P2RX7: variants seen among roughly 807,000 people sequenced by gnomAD.
The protein encoded by P2RX7 is purinergic receptor P2X 7, also known as P2X purinoceptor 7.
A neutral mutation model predicts 71.6 loss-of-function variants in P2RX7; 62 were observed. That is an observed-to-expected ratio of 0.87 (90% CI 0.71 to 1.07). The LOEUF is 1.07. Among genes scored for constraint, P2RX7 ranks in the 50% least tolerant of loss-of-function variants. The pLI is 0.00. For missense variants in P2RX7, 686 were observed against 748.5 expected (o/e 0.92, Z 0.97); for synonymous variants, 299 against 283.3 (o/e 1.06, Z -0.56).
intron 4 of P2RX7, 119 bp from the exon 5 acceptor site, chr12:121,162,305 G>C: frequency 6.8e-6 from 10 of 1,471,246 alleles, no homozygotes; most frequent in Non-Finnish European, 8.1e-6. Flanking sequence ...TGCGTGGGTT[G>C]GAAAGCCTGG....
intron 1 of P2RX7, among the ~76,000 whole-genome samples, chr12:121,150,329 A>G (rs1187087598): frequency 6.6e-6 from 1 of 152,234 alleles, no homozygotes; most frequent in African/African-American, 2.4e-5. Flanking sequence ...AGGCTGATCG[A>G]TCATATGTTG....
chr12:121,149,341 G>A lies in P2RX7; in HGVS notation c.126-5444G>A, dbSNP rs944088950. Among the ~76,000 whole-genome samples the A allele has an allele frequency of 3.3e-5, 5 of 152,068 alleles. No homozygotes were observed. The highest frequency in any genetic ancestry group is 6.6e-5 in the Admixed American group (1 of 15,248). Reference sequence around the variant, plus strand: ...GATGGCTGTATTAGTCTGTTCTCACGCTGCTAATAAAGACATACCCAAGAC... The same window carrying A: ...GATGGCTGTATTAGTCTGTTCTCACACTGCTAATAAAGACATACCCAAGAC... On this transcript the variant is annotated intron_variant, in intron 1 of 12. Coordinates refer to ENST00000328963, the MANE Select transcript of P2RX7 (RefSeq NM_002562.6). This position sits in a 1 kb window ranked among gnomAD's most constrained non-coding sequence, Gnocchi z 4.7.
Position 121,177,206 on chromosome 12 carries a change from C to A in P2RX7, c.1032C>A (p.Phe344Leu). ...VVYIGSTLSYFGLAAVFIDFL... is the reference protein window; with the variant it reads ...VVYIGSTLSYLGLAAVFIDFL... ...ACATCGGCTCAACCCTCTCCTACTT[C>A]GGTCTGGTAAGAGATTCTCTTTTCC... The change falls in exon 10 of 13, where the codon TTC (phenylalanine) becomes TTA (leucine). Residue 344 changes from phenylalanine to leucine, a missense_variant. Coordinates refer to ENST00000328963, the MANE Select transcript of P2RX7 (RefSeq NM_002562.6). 1 of 1,614,148 alleles carries A rather than the reference C, an allele frequency of 6.2e-7. No individual in the cohort carries two copies. The highest frequency in any genetic ancestry group is 1.7e-5 in the Admixed American group (1 of 60,028).
intron 2 of P2RX7, 103 bp from the exon 3 acceptor site, chr12:121,155,976 A>C: frequency 2.0e-6 from 2 of 1,017,664 alleles, no homozygotes; most frequent in Non-Finnish European, 3.0e-6. Flanking sequence ...GATTTCTAGA[A>C]GCTTAGAAAA....
At chr12:121,168,983 G>A (rs1361526777) in intron 8 of P2RX7, among the ~76,000 whole-genome samples, 1 of 148,912 alleles carries the variant, frequency 6.7e-6, no homozygotes, top group East Asian at 2.0e-4. Context: ...TTTTTTTTCT[G>A]AGACAGAGTC....
At chr12:121,181,490 C>G (rs536745775) in intron 12 of P2RX7, among the ~76,000 whole-genome samples, 1 of 152,286 alleles carries the variant, frequency 6.6e-6, no homozygotes, top group East Asian at 1.9e-4. Context: ...CATTTGCACT[C>G]TCCCCAGCAG....
At position 121,180,474 on chromosome 12, in the gene P2RX7, T is replaced by TG; in HGVS notation, c.1290+19_1290+20insG. The TG allele has an allele frequency of 7.4e-7, 1 of 1,356,246 alleles. No homozygotes were observed. Among genetic ancestry groups the TG allele is most frequent in the Non-Finnish European group, 1.0e-6 (1 of 980,110 alleles). The allele number at this position is 1,356,246 out of a possible 1,614,324, so 84.0% of individuals were successfully genotyped here. A position where few individuals can be genotyped will look rare whatever the true frequency, so the allele number is the denominator to read the frequency against. ...AGTCCCAGTAAGTTAAATCATTTTG[T>TG]CTTTTTTTTTTTTTTAAGAAAATTT... On this transcript the variant is annotated intron_variant, in intron 12 of 12. Coordinates refer to ENST00000328963, the MANE Select transcript of P2RX7 (RefSeq NM_002562.6).
chr12:121,174,960 G>A (rs1377142831), intron 8 of P2RX7, among the ~76,000 whole-genome samples: 1 of 151,934 alleles, frequency 6.6e-6, no homozygotes. Flanking sequence ...ACAGAGCCAG[G>A]GGACAGACCA....
intron 1 of P2RX7, among the ~76,000 whole-genome samples, chr12:121,133,353 G>A (rs1872835213): frequency 6.6e-6 from 1 of 152,242 alleles, no homozygotes. Context: ...GCAGGGCAGG[G>A]CGTGCCTGGG....
At chr12:121,161,755 G>A (rs1274067950) in intron 4 of P2RX7, among the ~76,000 whole-genome samples, 1 of 145,148 alleles carries the variant, frequency 6.9e-6, no homozygotes, top group Non-Finnish European at 1.5e-5. Context: ...TCATGCCACT[G>A]CACTCCAGCA....
At chr12:121,182,081 T>G in intron 12 of P2RX7, among the ~76,000 whole-genome samples, 1 of 138,336 alleles carries the variant, frequency 7.2e-6, no homozygotes, top group African/African-American at 2.8e-5. Flanking sequence ...AAAAAAAAAG[T>G]CTTTTCTGCT....
rs201278879 is a variant in P2RX7 at position 121,184,850 on chromosome 12, C to T, written c.*48C>T. On this transcript the variant is annotated 3_prime_UTR_variant, in exon 13 of 13. Transcript: ENST00000328963. ...CTGTAATCCCAGCGCTTTGGGAGGC[C>T]GAGGCAGGCAGATCACCTGAGGTCG... The T allele has an allele frequency of 5.3e-5, 76 of 1,424,366 alleles. No homozygotes were observed. The highest frequency in any genetic ancestry group is 1.7e-4 in the African/African-American group (12 of 70,060). The allele number at this position is 1,424,366 out of a possible 1,614,324, so 88.2% of individuals were successfully genotyped here.
intron 5 of P2RX7, among the ~76,000 whole-genome samples, chr12:121,163,358 G>GCACGCA (rs1555226393): frequency 1.0e-5 from 1 of 100,430 alleles, no homozygotes; most frequent in African/African-American, 2.9e-5. Context: ...ACACACACAC[G>GCACGCA]CACACACACA....
At chr12:121,176,146 T>C (rs1298312634) in intron 9 of P2RX7, among the ~76,000 whole-genome samples, 2 of 151,880 alleles carry the variant, frequency 1.3e-5, no homozygotes, top group African/African-American at 2.4e-5. Context: ...ACCAGGGTCA[T>C]GCCATACTCC....
At chr12:121,163,817 G>C (rs909747510) in intron 5 of P2RX7, among the ~76,000 whole-genome samples, 1 of 152,064 alleles carries the variant, frequency 6.6e-6, no homozygotes, top group African/African-American at 2.4e-5. Flanking sequence ...TACCATATTG[G>C]ACAGCGCAGT....
intron 1 of P2RX7, among the ~76,000 whole-genome samples, chr12:121,146,707 G>T (rs1227728136): frequency 1.3e-5 from 2 of 152,210 alleles, no homozygotes; most frequent in Admixed American, 1.3e-4. Context: ...ACACCCAGAA[G>T]TTGTCCTATG....
chr12:121,175,474 G>T lies in P2RX7; in HGVS notation c.968G>T (p.Gly323Val). The part of the protein sequence containing the change: ...FGIRFDILVF[G>V]TGGKFDIIQL... The stretch of plus-strand genomic sequence containing the variant: ...ATCCGTTTTGACATCCTGGTTTTTG[G>T]CACCGTAAGTCTCGTTTCCCAGCTC... Residue 323 changes from glycine to valine, a missense_variant, in exon 9 of 13, where the codon GGC (glycine) becomes GTC (valine). Coordinates refer to ENST00000328963, the MANE Select transcript of P2RX7 (RefSeq NM_002562.6). 7.4e-7 allele frequency: 1 copy of T among 1,348,564 alleles called. No individual in the cohort carries two copies. Among genetic ancestry groups the T allele is most frequent in the East Asian group, 2.3e-5 (1 of 43,738 alleles). 83.5% of individuals were successfully genotyped at this position (1,348,564 alleles called of 1,614,324 possible).
In P2RX7 at chr12:121,132,898, G is replaced by A; in HGVS notation, c.-73G>A. The A allele has an allele frequency of 6.3e-7, 1 of 1,579,392 alleles. No individual in the cohort carries two copies. The highest frequency in any genetic ancestry group is 8.6e-7 in the Non-Finnish European group (1 of 1,158,006). ...ACGTTTCATTTTGCAGTTACTGGGAGGGGGCTTGCTGTGGCCCTGTCAGGA... is the reference window on the plus strand; with the variant it reads ...ACGTTTCATTTTGCAGTTACTGGGAAGGGGCTTGCTGTGGCCCTGTCAGGA... On this transcript the variant is annotated 5_prime_UTR_variant, in exon 1 of 13. Coordinates refer to ENST00000328963, the MANE Select transcript of P2RX7 (RefSeq NM_002562.6).
intron 1 of P2RX7, among the ~76,000 whole-genome samples, chr12:121,136,023 A>AAAAAAAAAAAAAAT: frequency 3.9e-4 from 6 of 15,256 alleles, no homozygotes; most frequent in African/African-American, 7.4e-4. Context: ...AAAAAAAAAA[A>AAAAAAAAAAAAAAT]ATATATATAT....
Sources: gnomAD v4.1 joint callset for allele counts (sites outside exome capture counted in the v4.1 genomes callset) on GRCh38, gnomAD v4.1.1 for gene constraint, Gnocchi (gnomAD v3.1) non-coding constraint, MANE v1.5 for transcripts, NCBI Gene and HGNC (gene_info 2026-07-23, HGNC 2026-07-21) for gene names.